Variants in HELZ observed in about 807,000 individuals in gnomAD.
HELZ encodes the protein ATP-dependent RNA helicase with zinc finger domain.
HELZ carries 23 observed loss-of-function variants against 218.2 expected under a neutral mutation model. The ratio of observed to expected loss-of-function variants is 0.11; its 90% CI spans 0.08 to 0.15. The LOEUF (loss-of-function observed/expected upper bound fraction) is 0.15, where lower values mean the gene tolerates loss of function less well. HELZ is among the 10% of genes least tolerant of loss of function. The pLI, the probability that HELZ is intolerant of heterozygous loss-of-function variation, is 1.00. For synonymous variants in HELZ, 814 were observed against 829.4 expected (o/e 0.98, Z 0.32); for missense variants, 1,813 against 2,353.7 (o/e 0.77, Z 4.75).
At position 67,122,957 on chromosome 17, in the gene HELZ, A is replaced by G. The variant is rs12941529; in HGVS notation, c.3630+13T>C. On this transcript the variant is annotated intron_variant, in intron 26 of 32. Transcript: ENST00000358691. ...ACTTGATTCAATAGAAAGTATTTCG[A>G]ATGTCCACTTACAGGTAAAGGCACC... 9 of 1,567,994 alleles carry G rather than the reference A, an allele frequency of 5.7e-6. No homozygotes were observed. Among genetic ancestry groups the G allele is most frequent in the Non-Finnish European group, 7.9e-6 (9 of 1,142,822 alleles).
Position 67,160,935 on chromosome 17 carries a change from A to G in HELZ, c.2037T>C (p.Ala679=). 1 of 1,613,400 alleles carries G rather than the reference A, an allele frequency of 6.2e-7. No homozygotes were observed. Among genetic ancestry groups the G allele is most frequent in the Non-Finnish European group, 8.5e-7 (1 of 1,179,678 alleles). ...GCTGCAGAATATGTTTGACAGCCTG[A>G]GCTAGAGTGAACGTTTTGCCTGTCC... is the stretch of plus-strand genomic sequence containing the variant. ...PYGTGKTFTL[A]QAVKHILQQQ... Residue 679 remains alanine (A), a synonymous_variant, in exon 16 of 33, where the codon GCT becomes GCC. Transcript: ENST00000358691.
chr17:67,137,151 C>T (rs1156863935), intron 22 of HELZ, among the ~76,000 whole-genome samples: 2 of 152,060 alleles, frequency 1.3e-5, no homozygotes, highest in African/African-American at 2.4e-5. Context: ...TTCTTACGTG[C>T]TTCAAATAGT....
Position 67,070,693 on chromosome 17 carries a change from T to A in HELZ, c.*7559A>T, listed in dbSNP as rs951459939. On this transcript the variant is annotated 3_prime_UTR_variant, in exon 33 of 33. Transcript: ENST00000358691. ...CTAGAGAGTGGCTTTGGGGTTATTT[T>A]ATGGTACAAAGTCACTTTTACTTTT... The A allele has an allele frequency of 3.3e-5, 5 of 152,186 alleles. No homozygotes were observed. Among genetic ancestry groups the A allele is most frequent in the Non-Finnish European group, 5.9e-5 (4 of 68,032 alleles). The allele number at this position is 152,186 out of a possible 1,614,324, so 9.4% of individuals were successfully genotyped here.
chr17:67,114,284 A>G (rs2037365420), intron 28 of HELZ, 40 bp downstream of exon 28: 1 of 1,309,464 alleles, frequency 7.6e-7, no homozygotes, highest in Non-Finnish European at 1.1e-6. Flanking sequence ...GACCAATCAG[A>G]CTAAATCCAC....
rs1275609080 is a variant in HELZ, at chr17:67,114,397, C to T, written c.3845G>A (p.Ser1282Asn). The T allele has an allele frequency of 1.9e-6, 3 of 1,594,298 alleles. No homozygotes were observed. The highest frequency in any genetic ancestry group is 1.1e-5 in the South Asian group (1 of 90,612). Residue 1282 changes from serine to asparagine, a missense_variant, in exon 28 of 33, where the codon AGT becomes AAT. Ser to Asn is a conservative substitution (Grantham distance 46). Transcript: ENST00000358691. ...DQHEQNRNGK[S>N]DTNNSGPEIN... is the part of the protein sequence containing the mutation. ...TTCAGGTCCGGAATTATTTGTATCA[C>T]TTTTACCTAAGAAAATATTTAAAAA...
chr17:67,216,087 T>G, intron 4 of HELZ, 152 bp from the exon 5 acceptor site: 1 of 651,148 alleles, frequency 1.5e-6, no homozygotes, highest in Non-Finnish European at 2.8e-6. Flanking sequence ...ATGTGCCCTC[T>G]GAGGATTACA....
chr17:67,196,283 ACT>A (rs1200435371), intron 7 of HELZ, among the ~76,000 whole-genome samples: 1 of 152,026 alleles, frequency 6.6e-6, no homozygotes, highest in Non-Finnish European at 1.5e-5. Context: ...GGATCCATTC[ACT>A]CTAACATCCT....
intron 13 of HELZ, among the ~76,000 whole-genome samples, chr17:67,173,505 C>T (rs1384356782): frequency 6.6e-6 from 1 of 152,188 alleles, no homozygotes; most frequent in Non-Finnish European, 1.5e-5. Context: ...AGAAATATGG[C>T]TCTATCAACC....
At chr17:67,126,919 T>G (rs2037818044) in intron 24 of HELZ, among the ~76,000 whole-genome samples, 1 of 152,160 alleles carries the variant, frequency 6.6e-6, no homozygotes, top group Non-Finnish European at 1.5e-5. Context: ...TGTATGAAAG[T>G]CATGTCCCCT....
intron 7 of HELZ, among the ~76,000 whole-genome samples, chr17:67,197,922 T>G (rs1279242617): frequency 9.9e-5 from 15 of 151,960 alleles, no homozygotes; most frequent in Admixed American, 9.8e-4. Context: ...ATACACAGAT[T>G]AACAAATCAG....
intron 15 of HELZ, among the ~76,000 whole-genome samples, chr17:67,162,272 T>C (rs150541421): frequency 2.0e-5 from 3 of 152,288 alleles, no homozygotes; most frequent in East Asian, 1.9e-4. Context: ...ATAACTGTTA[T>C]ATTATGACAT....
intron 31 of HELZ, among the ~76,000 whole-genome samples, chr17:67,104,425 C>T (rs2037030908): frequency 7.1e-6 from 1 of 140,842 alleles, no homozygotes; most frequent in Non-Finnish European, 1.5e-5. Flanking sequence ...TGCAACAGAG[C>T]GAGACGCCAT....
intron 13 of HELZ, 59 bp from the exon 14 acceptor site, chr17:67,167,855 G>A: frequency 8.7e-7 from 1 of 1,154,988 alleles, no homozygotes; most frequent in South Asian, 1.5e-5. Flanking sequence ...ATAAAAACTA[G>A]AAGAGTGAAA....
Position 67,108,607 on chromosome 17 carries a change from G to T in HELZ, c.4609C>A (p.His1537Asn), listed in dbSNP as rs751130842. Reference sequence around the variant, plus strand: ...TGAGGAAGATGCTGGAGGTGAGGATGGTGATGGTGTGGGTATGGAGCGCTG... The same window carrying T: ...TGAGGAAGATGCTGGAGGTGAGGATTGTGATGGTGTGGGTATGGAGCGCTG... ...QGSAPYPHHHHPHLQHLPQPP... is the reference protein window; with the variant it reads ...QGSAPYPHHHNPHLQHLPQPP... Residue 1537 changes from histidine (H) to asparagine (N), a missense_variant, in exon 30 of 33, where the codon CAT becomes AAT. By Grantham distance (68) the His-to-Asn change is moderately conservative. This residue lies in a region of HELZ where 938 missense variants were observed against 1,027.5 expected (regional missense o/e 0.91). Transcript: ENST00000358691. This position sits in a 1 kb window ranked among gnomAD's most constrained non-coding sequence, Gnocchi z 4.1. The T allele has an allele frequency of 9.9e-6, 16 of 1,613,924 alleles. No individual in the cohort carries two copies. The highest frequency in any genetic ancestry group is 1.3e-5 in the African/African-American group (1 of 74,892).
chr17:67,244,098 CCTTA>C (rs1016531017), intron 1 of HELZ: 12 of 564,476 alleles, frequency 2.1e-5, no homozygotes, highest in Admixed American at 6.4e-5. Flanking sequence ...CACAGACTGA[CCTTA>C]CTTTCAAAAA....
rs2036408790 is a variant in HELZ at position 67,086,852 on chromosome 17, G to A, written c.5471C>T (p.Thr1824Ile). ...QNIPCNGSSR[T>I]AQPRELIAPP... is the part of the protein sequence containing the mutation. ...ACCTATCAACTCTCTGGGCTGAGCT[G>A]TCCTGCTGGATCCATTGCACGGAAT... is the stretch of plus-strand genomic sequence containing the variant. Residue 1824 changes from threonine (T) to isoleucine (I), a missense_variant, in exon 32 of 33, where the codon ACA becomes ATA. Coordinates refer to ENST00000358691, the MANE Select transcript of HELZ (RefSeq NM_014877.4). The A allele has an allele frequency of 6.2e-7, 1 of 1,613,514 alleles. No homozygotes were observed. Among genetic ancestry groups the A allele is most frequent in the African/African-American group, 1.3e-5 (1 of 74,712 alleles).
At chr17:67,231,411 G>A (rs9891842) in intron 3 of HELZ, among the ~76,000 whole-genome samples, 3,597 of 151,972 alleles carry the variant, frequency 0.024, 141 homozygotes, top group African/African-American at 0.08. Context: ...GGCTAACATG[G>A]TGAAACCCCA....
intron 15 of HELZ, among the ~76,000 whole-genome samples, chr17:67,165,443 C>T (rs932931319): frequency 6.6e-6 from 1 of 152,076 alleles, no homozygotes; most frequent in Non-Finnish European, 1.5e-5. Flanking sequence ...CCAGGGTGAC[C>T]CTGGAAACCA....
At chr17:67,234,405 A>C (rs938881220) in intron 3 of HELZ, among the ~76,000 whole-genome samples, 3 of 151,622 alleles carry the variant, frequency 2.0e-5, no homozygotes, top group Admixed American at 6.6e-5. Flanking sequence ...TTCAACCTCC[A>C]AGATAACTCT....
Sources: gnomAD v4.1 joint callset for allele counts (sites outside exome capture counted in the v4.1 genomes callset) on GRCh38, gnomAD v4.1.1 for gene constraint, gnomAD v4.1.1 regional missense constraint, Gnocchi (gnomAD v3.1) non-coding constraint, MANE v1.5 for transcripts, NCBI Gene and HGNC (gene_info 2026-07-23, HGNC 2026-07-21) for gene names.